LAMC2: variants seen among roughly 807,000 people sequenced by gnomAD.
The protein encoded by LAMC2 is laminin subunit gamma-2.
Under a neutral mutation model 140.2 loss-of-function variants are expected in LAMC2, and 97 were observed. The observed-to-expected ratio is 0.69, with a 90% CI of 0.59 to 0.82. LAMC2 has a LOEUF of 0.82. Among genes scored for constraint, LAMC2 ranks in the 40% least tolerant of loss-of-function variants. The pLI, the probability that LAMC2 is intolerant of heterozygous loss-of-function variation, is 0.00. For synonymous variants in LAMC2, 513 were observed against 540.2 expected (o/e 0.95, Z 0.70); for missense variants, 1,402 against 1,476.1 (o/e 0.95, Z 0.82).
intron 1 of LAMC2, among the ~76,000 whole-genome samples, chr1:183,195,561 C>T (rs577186725): frequency 5.3e-5 from 8 of 152,226 alleles, no homozygotes; most frequent in South Asian, 2.1e-4. Context: ...CAACTGGTGC[C>T]GTGCCCTTTA....
chr1:183,219,262 A>G (rs574740032), intron 4 of LAMC2, among the ~76,000 whole-genome samples: 26 of 152,316 alleles, frequency 1.7e-4, no homozygotes, highest in Admixed American at 5.9e-4. Flanking sequence ...AATGTCAAAT[A>G]CACTCCTAGC....
At chr1:183,186,538 G>A in intron 1 of LAMC2, 107 bp downstream of exon 1, 1 of 1,319,526 alleles carries the variant, frequency 7.6e-7, no homozygotes, top group South Asian at 1.3e-5. Context: ...ACTTTGTCCA[G>A]AAACTTGTTA....
At chr1:183,225,348 T>C (rs1659594317) in intron 7 of LAMC2, among the ~76,000 whole-genome samples, 1 of 152,186 alleles carries the variant, frequency 6.6e-6, no homozygotes, top group African/African-American at 2.4e-5. Flanking sequence ...GCGATCATCA[T>C]GGTTTCAGGT....
At chr1:183,208,129 AG>A in intron 2 of LAMC2, 60 bp downstream of exon 2, 1 of 1,404,986 alleles carries the variant, frequency 7.1e-7, no homozygotes, top group Non-Finnish European at 1.0e-6. Flanking sequence ...ACAAGAGGGA[AG>A]GAAGGAAGGA....
At chr1:183,212,001 GT>G (rs553514532) in intron 2 of LAMC2, among the ~76,000 whole-genome samples, 7 of 147,216 alleles carry the variant, frequency 4.8e-5, no homozygotes, top group Admixed American at 1.4e-4. Context: ...GGGGCAGGTT[GT>G]TTTTTTTTTG....
rs751499269 is a variant in LAMC2 at position 183,228,410 on chromosome 1, G to A, written c.1505G>A (p.Gly502Glu). The A allele has an allele frequency of 6.2e-7, 1 of 1,614,024 alleles. No individual in the cohort carries two copies. The highest frequency in any genetic ancestry group is 8.5e-7 in the Non-Finnish European group (1 of 1,180,014). Residue 502 changes from glycine (G) to glutamate (E), a missense_variant, in exon 11 of 23, where the codon GGG becomes GAG. Coordinates refer to ENST00000264144, the MANE Select transcript of LAMC2 (RefSeq NM_005562.3). This position sits in a 1 kb window ranked among gnomAD's most constrained non-coding sequence, Gnocchi z 4.3. ...GAGCTCTGTGCTGATGGCTACTTTG[G>A]GGACCCCTTTGGTGAACATGGCCCA... is the stretch of plus-strand genomic sequence containing the variant. ...RCELCADGYF[G>E]DPFGEHGPVR...
At position 183,207,896 on chromosome 1, in the gene LAMC2, G is replaced by C. The variant is rs776609359; in HGVS notation, c.95G>C (p.Gly32Ala). ...TSRREVCDCN[G>A]KSRQCIFDRE... ...TCCTCCCCAGTCTGTGATTGCAATG[G>C]GAAGTCCAGGCAGTGTATCTTTGAT... The change falls in exon 2 of 23, where the codon GGG becomes GCG. Residue 32 changes from glycine (G) to alanine (A), a missense_variant. Around this residue, in one of 3 missense-constraint regions of LAMC2, gnomAD observed 723 missense variants for 783.3 expected, o/e 0.92. Coordinates refer to ENST00000264144, the MANE Select transcript of LAMC2 (RefSeq NM_005562.3). The C allele has an allele frequency of 4.3e-6, 7 of 1,610,002 alleles. No homozygotes were observed. Among genetic ancestry groups the C allele is most frequent in the Non-Finnish European group, 4.2e-6 (5 of 1,178,970 alleles).
At chr1:183,248,996 C>T (rs1317554012), downstream of LAMC2, 1 of 151,268 alleles carries the variant, frequency 6.6e-6, no homozygotes, top group Non-Finnish European at 1.5e-5. Context: ...AATTCTCTGC[C>T]TTTTGCTGTA....
chr1:183,232,387 T>C (rs200555660), intron 13 of LAMC2, 44 bp downstream of exon 13: 2 of 1,606,482 alleles, frequency 1.2e-6, no homozygotes, highest in Admixed American at 3.3e-5. Context: ...GAATTCATAG[T>C]CCTAGAAGGA....
intron 11 of LAMC2, 121 bp from the exon 12 acceptor site, chr1:183,230,840 G>A: frequency 9.0e-7 from 1 of 1,110,334 alleles, no homozygotes; most frequent in Non-Finnish European, 1.4e-6. Flanking sequence ...TTAAGAAGGT[G>A]CATGGAGGTA....
intron 19 of LAMC2, 109 bp downstream of exon 19, chr1:183,238,530 A>C: frequency 1.4e-6 from 1 of 730,366 alleles, no homozygotes; most frequent in Non-Finnish European, 2.5e-6. Flanking sequence ...TTGGGATATT[A>C]ATAGATCCTT....
chr1:183,254,900 T>G, the LAMC2 span, among the ~76,000 whole-genome samples: 1 of 152,244 alleles, frequency 6.6e-6, no homozygotes, highest in Non-Finnish European at 1.5e-5. Flanking sequence ...TCCTTTGCTG[T>G]ACAGAAGCTT....
intron 6 of LAMC2, 29 bp from the exon 7 acceptor site, chr1:183,223,101 ACTGAT>A: frequency 1.9e-6 from 3 of 1,605,422 alleles, no homozygotes; most frequent in Non-Finnish European, 2.6e-6. Flanking sequence ...CAGTTTCACA[ACTGAT>A]CTCAATCTTT....
At chr1:183,234,290 G>A in intron 14 of LAMC2, 77 bp from the exon 15 acceptor site, 10 of 1,068,310 alleles carry the variant, frequency 9.4e-6, no homozygotes, top group African/African-American at 1.5e-5. Context: ...TGACAGGACA[G>A]ATGCACCTGC....
chr1:183,252,607 A>G, the LAMC2 span: 1 of 1,381,652 alleles, frequency 7.2e-7, no homozygotes, highest in East Asian at 2.3e-5. Context: ...ACAAAGATGG[A>G]GGGGCCATTG....
chr1:183,228,653 C>A lies in LAMC2; in HGVS notation c.1714+34C>A, dbSNP rs559765458. On this transcript the variant is annotated intron_variant, in intron 11 of 22. Coordinates refer to ENST00000264144, the MANE Select transcript of LAMC2 (RefSeq NM_005562.3). This position sits in a 1 kb window ranked among gnomAD's most constrained non-coding sequence, Gnocchi z 4.3. The stretch of plus-strand genomic sequence containing the variant: ...CCACCCCAGGCAGGCTGTGTCTGTG[C>A]GTGCCTGTGTACGTATGCACTTGCT... 6.2e-7 allele frequency: 1 copy of A among 1,612,422 alleles called. No individual in the cohort carries two copies. Among genetic ancestry groups the A allele is most frequent in the South Asian group, 1.1e-5 (1 of 91,032 alleles).
intron 2 of LAMC2, among the ~76,000 whole-genome samples, chr1:183,209,396 T>C (rs114649408): frequency 0.011 from 1,675 of 152,234 alleles, 22 homozygotes; most frequent in Non-Finnish European, 0.019. Context: ...GGGAGTCTTA[T>C]AGAAAACTGG....
At chr1:183,252,119 C>T in the LAMC2 span, 1 of 154,656 alleles carries the variant, frequency 6.5e-6, no homozygotes, top group Admixed American at 6.4e-5. Flanking sequence ...TGATTTCATC[C>T]AAGTTCTACA....
chr1:183,229,416 C>A (rs1398491809), intron 11 of LAMC2, among the ~76,000 whole-genome samples: 2 of 152,064 alleles, frequency 1.3e-5, no homozygotes, highest in Admixed American at 6.6e-5. Flanking sequence ...GTGGGTGGAT[C>A]ACCTGAGGTT....
Sources: gnomAD v4.1 joint callset for allele counts (sites outside exome capture counted in the v4.1 genomes callset) on GRCh38, gnomAD v4.1.1 for gene constraint, gnomAD v4.1.1 regional missense constraint, Gnocchi (gnomAD v3.1) non-coding constraint, MANE v1.5 for transcripts, NCBI Gene and HGNC (gene_info 2026-07-23, HGNC 2026-07-21) for gene names.